Variants in PEX14 observed in about 807,000 individuals in gnomAD.
PEX14 encodes peroxisomal biogenesis factor 14.
PEX14 carries 15 observed loss-of-function variants against 49.5 expected under a neutral mutation model. The ratio of observed to expected loss-of-function variants is 0.30; its 90% CI spans 0.20 to 0.47. The LOEUF (loss-of-function observed/expected upper bound fraction) is 0.47. Ranked by LOEUF, PEX14 falls within the 20% of genes least tolerant of loss-of-function variation. PEX14 has a pLI of 1.00. For synonymous variants in PEX14, 210 were observed against 212.7 expected, an observed-to-expected ratio of 0.99 and a Z score of 0.11; for missense variants, 398 against 494.8, an observed-to-expected ratio of 0.80 and a Z score of 1.86.
chr1:10,476,638 C>T (rs910370703), intron 1 of PEX14, among the ~76,000 whole-genome samples: 2 of 152,092 alleles, frequency 1.3e-5, no homozygotes, highest in Middle Eastern at 3.4e-3. Flanking sequence ...ACTACGGGTG[C>T]CTGCCACCAC....
At chr1:10,595,037 A>T (rs1298186993) in intron 3 of PEX14, among the ~76,000 whole-genome samples, 4 of 148,082 alleles carry the variant, frequency 2.7e-5, no homozygotes, top group Non-Finnish European at 3.0e-5. Context: ...CTGTCCTTTT[A>T]AAAAAAAAAG....
chr1:10,607,688 T>A (rs1344183369), intron 4 of PEX14, among the ~76,000 whole-genome samples: 3 of 152,216 alleles, frequency 2.0e-5, no homozygotes, highest in African/African-American at 7.2e-5. Flanking sequence ...ATATCTTTCT[T>A]GTGAAGAGTG....
In PEX14 at chr1:10,541,201, G is replaced by T. The variant is rs959345125; in HGVS notation, c.169+4904G>T. Among the ~76,000 whole-genome samples, 64 of 152,200 alleles carry T rather than the reference G, an allele frequency of 4.2e-4. 2 individuals carry two copies. ...TGTAGGGTGACAACCAAGGGTTCTG[G>T]TTTGCCCAGAATTGCCCTGGGTTCA... On this transcript the variant is annotated intron_variant, in intron 3 of 8. Transcript: ENST00000356607.
intron 3 of PEX14, among the ~76,000 whole-genome samples, chr1:10,577,459 A>G (rs964418453): frequency 7.3e-6 from 1 of 136,680 alleles, no homozygotes; most frequent in African/African-American, 2.7e-5. Context: ...GCTTTCAGTC[A>G]TGGTGGAGTA....
chr1:10,486,717 T>C (rs1641375452), intron 1 of PEX14, among the ~76,000 whole-genome samples: 2 of 148,968 alleles, frequency 1.3e-5, no homozygotes, highest in African/African-American at 2.5e-5. Flanking sequence ...AGACAGACTC[T>C]TGCTCTGTCA....
intron 4 of PEX14, among the ~76,000 whole-genome samples, chr1:10,614,369 G>A (rs1456258143): frequency 1.3e-5 from 2 of 152,154 alleles, no homozygotes; most frequent in African/African-American, 2.4e-5. Flanking sequence ...GCAATAAAAT[G>A]TTCTTAACGT....
chr1:10,615,273 C>T (rs1383239250), intron 4 of PEX14, among the ~76,000 whole-genome samples: 3 of 152,142 alleles, frequency 2.0e-5, no homozygotes, highest in Non-Finnish European at 4.4e-5. Context: ...AAGATGTTTG[C>T]GATGCAGATC....
chr1:10,491,771 C>T (rs758353212), intron 1 of PEX14, among the ~76,000 whole-genome samples: 2 of 150,470 alleles, frequency 1.3e-5, no homozygotes, highest in South Asian at 4.2e-4. Context: ...ACCTCCGCCT[C>T]CCGGGTTCAA....
intron 3 of PEX14, among the ~76,000 whole-genome samples, chr1:10,553,073 A>G (rs1337946386): frequency 6.6e-6 from 1 of 152,192 alleles, no homozygotes; most frequent in Non-Finnish European, 1.5e-5. Flanking sequence ...GAAAAGTTGT[A>G]TGTGGAATAA....
intron 2 of PEX14, chr1:10,528,243 TC>T (rs958608659): frequency 1.2e-6 from 1 of 846,544 alleles, no homozygotes; most frequent in African/African-American, 1.8e-5. Flanking sequence ...TTCCTAATCA[TC>T]CCGCAGTTCA....
intron 3 of PEX14, among the ~76,000 whole-genome samples, chr1:10,571,533 G>A (rs2124550794): frequency 6.6e-6 from 1 of 152,214 alleles, no homozygotes. Flanking sequence ...GATGGGCCGG[G>A]CACAGTGCCT....
chr1:10,598,292 G>A (rs554996983), intron 3 of PEX14, among the ~76,000 whole-genome samples: 39 of 152,260 alleles, frequency 2.6e-4, no homozygotes, highest in African/African-American at 6.5e-4. Flanking sequence ...CCGTGTGACC[G>A]CTCCTTTCAT....
At chr1:10,564,927 G>A (rs867770435) in intron 3 of PEX14, among the ~76,000 whole-genome samples, 5 of 118,964 alleles carry the variant, frequency 4.2e-5, no homozygotes, top group South Asian at 2.6e-4. Flanking sequence ...TTTTTGAGAC[G>A]GAGTCTTACT....
At chr1:10,584,070 G>A (rs1053140077) in intron 3 of PEX14, among the ~76,000 whole-genome samples, 1 of 152,220 alleles carries the variant, frequency 6.6e-6, no homozygotes, top group Non-Finnish European at 1.5e-5. Context: ...CAGGGTGGAA[G>A]CTGGGAGACT....
chr1:10,624,161 A>G (rs1178833312), intron 6 of PEX14, among the ~76,000 whole-genome samples, 179 bp from the exon 7 acceptor site: 1 of 152,216 alleles, frequency 6.6e-6, no homozygotes, highest in African/African-American at 2.4e-5. Flanking sequence ...TAGAGGTTAG[A>G]TACAGTGCAG....
chr1:10,479,536 T>G (rs1323735407), intron 1 of PEX14, among the ~76,000 whole-genome samples: 2 of 152,244 alleles, frequency 1.3e-5, no homozygotes, highest in Non-Finnish European at 2.9e-5. Flanking sequence ...CCAACTTTCC[T>G]ACTAGCTTTT....
intron 2 of PEX14, among the ~76,000 whole-genome samples, chr1:10,530,867 C>T (rs1638629276): frequency 6.6e-6 from 1 of 152,164 alleles, no homozygotes; most frequent in South Asian, 2.1e-4. Flanking sequence ...CATTTGCCCT[C>T]CTGCCACACT....
In PEX14 at chr1:10,590,173, T is replaced by C. The variant is rs569726662; in HGVS notation, c.170-9065T>C. Among the ~76,000 whole-genome samples the C allele has an allele frequency of 9.5e-4, 145 of 152,292 alleles. 1 individual carries two copies. The highest frequency in any genetic ancestry group is 3.4e-3 in the African/African-American group (143 of 41,554). ...AGAATCAAGTGTCTACTTCTGGCAC[T>C]GCTCGGAGGTGCCACAAAACCGTGA... is the stretch of plus-strand genomic sequence containing the variant. On this transcript the variant is annotated intron_variant, in intron 3 of 8. Transcript: ENST00000356607.
At chr1:10,621,921 C>T (rs1225150433) in intron 5 of PEX14, among the ~76,000 whole-genome samples, 1 of 152,128 alleles carries the variant, frequency 6.6e-6, no homozygotes, top group Admixed American at 6.5e-5. Flanking sequence ...CCTATCTGGG[C>T]CCAGATAGAT....
Sources: allele counts gnomAD v4.1 joint callset (sites outside exome capture counted in the v4.1 genomes callset), GRCh38; gene constraint gnomAD v4.1.1; transcripts MANE v1.5; gene names NCBI Gene and HGNC (gene_info 2026-07-23, HGNC 2026-07-21).